Variants in SPOCK1 observed in about 807,000 individuals in gnomAD.
The protein encoded by SPOCK1 is testican-1.
SPOCK1 carries 23 observed loss-of-function variants against 55.3 expected under a neutral mutation model. The ratio of observed to expected loss-of-function variants is 0.42; its 90% confidence interval spans 0.30 to 0.59. SPOCK1 has a LOEUF of 0.59. Ranked by LOEUF, SPOCK1 falls within the 20% of genes least tolerant of loss-of-function variation. The pLI is 0.22. For missense variants in SPOCK1, 499 were observed against 552.5 expected (o/e 0.90, Z 0.97); for synonymous variants, 226 against 221.0 (o/e 1.02, Z -0.20).
intron 6 of SPOCK1, among the ~76,000 whole-genome samples, chr5:137,034,453 G>C (rs1398673074): frequency 6.6e-6 from 1 of 152,156 alleles, no homozygotes; most frequent in African/African-American, 2.4e-5. Flanking sequence ...GGCAGCTGTT[G>C]GTGGTGAGAA....
chr5:137,378,025 A>G (rs536358575), intron 2 of SPOCK1, among the ~76,000 whole-genome samples: 1 of 145,632 alleles, frequency 6.9e-6, no homozygotes, highest in East Asian at 2.0e-4. Context: ...GCTCACCGCA[A>G]CCTCCGCCTA....
At chr5:137,351,880 A>G (rs962644506) in intron 2 of SPOCK1, among the ~76,000 whole-genome samples, 3 of 152,348 alleles carry the variant, frequency 2.0e-5, no homozygotes, top group African/African-American at 7.2e-5. Flanking sequence ...AGGAGCATGA[A>G]TCCCAGCTCA....
At chr5:137,129,570 GA>G (rs1262483226) in intron 4 of SPOCK1, among the ~76,000 whole-genome samples, 1 of 152,108 alleles carries the variant, frequency 6.6e-6, no homozygotes, top group Non-Finnish European at 1.5e-5. Context: ...ATAGGGCTGT[GA>G]AAAAGGGTCC....
At position 137,140,663 on chromosome 5, in the gene SPOCK1, C is replaced by T. The variant is rs777741008; in HGVS notation, c.264G>A (p.Lys88=). 3 of 1,613,684 alleles carry T rather than the reference C, an allele frequency of 1.9e-6. No homozygotes were observed. Among genetic ancestry groups the T allele is most frequent in the African/African-American group, 2.7e-5 (2 of 74,882 alleles). ...ACACTTTGTGAGGGCTGCATTTTAC[C>T]TTCAGGCAGGGGTCCTTGGATGGGT... The part of the protein sequence containing the change: ...ALDPSKDPCL[K]VKCSPHKVCV... The change falls in exon 4 of 11, where the codon AAG becomes AAA. Residue 88 remains lysine, a synonymous_variant. Transcript: ENST00000394945.
chr5:137,011,158 T>C (rs1751339576), intron 6 of SPOCK1, among the ~76,000 whole-genome samples: 2 of 152,214 alleles, frequency 1.3e-5, no homozygotes, highest in Non-Finnish European at 2.9e-5. Context: ...GTAAACATGA[T>C]GCATTTAGCA....
intron 6 of SPOCK1, among the ~76,000 whole-genome samples, chr5:137,061,138 C>T (rs879896100): frequency 1.3e-5 from 2 of 152,140 alleles, no homozygotes; most frequent in African/African-American, 2.4e-5. Context: ...TTTGCAAGCC[C>T]AAGGCTTTCA....
intron 2 of SPOCK1, among the ~76,000 whole-genome samples, chr5:137,408,628 G>A (rs1752148073): frequency 6.6e-6 from 1 of 152,178 alleles, no homozygotes; most frequent in Admixed American, 6.5e-5. Flanking sequence ...AACGTGAAAG[G>A]AACATGTTTA....
At chr5:137,237,400 T>C (rs898875837) in intron 3 of SPOCK1, among the ~76,000 whole-genome samples, 5 of 152,236 alleles carry the variant, frequency 3.3e-5, no homozygotes, top group South Asian at 2.1e-4. Context: ...ACAGGCCATA[T>C]ATGGAAAATG....
At chr5:137,333,280 G>A (rs974455006) in intron 2 of SPOCK1, among the ~76,000 whole-genome samples, 1 of 152,212 alleles carries the variant, frequency 6.6e-6, no homozygotes, top group Non-Finnish European at 1.5e-5. Context: ...GATTCTATAG[G>A]TAAAGGGAAG....
chr5:137,248,749 G>A (rs1168893247), intron 3 of SPOCK1, among the ~76,000 whole-genome samples: 4 of 152,202 alleles, frequency 2.6e-5, no homozygotes, highest in African/African-American at 9.7e-5. Context: ...AAAGGGCTTA[G>A]TAAAGAAGCT....
At chr5:137,079,073 T>A (rs1447952307) in intron 5 of SPOCK1, among the ~76,000 whole-genome samples, 1 of 152,188 alleles carries the variant, frequency 6.6e-6, no homozygotes, top group Non-Finnish European at 1.5e-5. Context: ...TGAGGCTTCC[T>A]CTTGGATGCT....
In SPOCK1 at chr5:137,223,243, G is replaced by A. The variant is rs553684302; in HGVS notation, c.232+43767C>T. Among the ~76,000 whole-genome samples, 10 of 151,320 alleles carry A rather than the reference G, an allele frequency of 6.6e-5. No individual in the cohort carries two copies. In the East Asian group the frequency reaches 1.9e-3, roughly 29 times the overall value. ...CATGATATGAGAAAAATGAACTTTT[G>A]ATGACAAATTAAAGGGGTAGCCCCT... On this transcript the variant is annotated intron_variant, in intron 3 of 10. Coordinates refer to ENST00000394945, the MANE Select transcript of SPOCK1 (RefSeq NM_004598.4).
chr5:136,979,494 T>C (rs755852188), intron 9 of SPOCK1, 25 bp from the exon 10 acceptor site: 30 of 1,556,002 alleles, frequency 1.9e-5, no homozygotes, highest in Non-Finnish European at 1.5e-5. Flanking sequence ...GGTGCAACTT[T>C]AATCAGAGAC....
At chr5:137,142,098 C>T (rs564768735) in intron 3 of SPOCK1, among the ~76,000 whole-genome samples, 1 of 152,322 alleles carries the variant, frequency 6.6e-6, no homozygotes, top group African/African-American at 2.4e-5. Flanking sequence ...AACTGCTCTC[C>T]ACAGTCAGGG....
rs1055883345 is a variant in SPOCK1, at chr5:137,429,012, C to T, written c.186+69361G>A. On this transcript the variant is annotated intron_variant, in intron 2 of 10. Coordinates refer to ENST00000394945, the MANE Select transcript of SPOCK1 (RefSeq NM_004598.4). The stretch of plus-strand genomic sequence containing the variant: ...TACAGACTTACATCTGATGATGGTA[C>T]TCTCGCCCTACCTTGAGTGGTTTCC... Among the ~76,000 whole-genome samples the T allele has an allele frequency of 2.0e-5, 3 of 152,202 alleles. No homozygotes were observed. The South Asian group carries it at 6.2e-4, about 31-fold the overall frequency.
intron 2 of SPOCK1, among the ~76,000 whole-genome samples, chr5:137,400,145 C>T (rs905822135): frequency 3.3e-5 from 5 of 152,332 alleles, no homozygotes; most frequent in East Asian, 3.9e-4. Context: ...CCTCTGCAGT[C>T]AGTGTGTGCA....
intron 2 of SPOCK1, among the ~76,000 whole-genome samples, chr5:137,377,212 G>A (rs1445992375): frequency 6.6e-6 from 1 of 152,212 alleles, no homozygotes; most frequent in Non-Finnish European, 1.5e-5. Flanking sequence ...CACTGTATCA[G>A]GAAATGGCCC....
intron 4 of SPOCK1, among the ~76,000 whole-genome samples, chr5:137,127,719 C>T (rs1207348573): frequency 1.3e-5 from 2 of 152,350 alleles, no homozygotes; most frequent in East Asian, 1.9e-4. Context: ...GAATCCTATA[C>T]CTATCCCACA....
chr5:137,375,163 T>C (rs1166718658), intron 2 of SPOCK1, among the ~76,000 whole-genome samples: 1 of 150,668 alleles, frequency 6.6e-6, no homozygotes, highest in Non-Finnish European at 1.5e-5. Flanking sequence ...TAAAAAAAAG[T>C]CAAGAAGTAA....
Sources: allele counts gnomAD v4.1 joint callset (sites outside exome capture counted in the v4.1 genomes callset), GRCh38; gene constraint gnomAD v4.1.1; transcripts MANE v1.5; gene names NCBI Gene and HGNC (gene_info 2026-07-23, HGNC 2026-07-21).